The following PDZRN3 variants were observed in gnomAD, a reference collection of about 807,000 sequenced individuals.
PDZRN3 encodes PDZ domain containing ring finger 3, also known as E3 ubiquitin-protein ligase PDZRN3.
A neutral mutation model predicts 85.7 loss-of-function variants in PDZRN3; 38 were observed. The observed-to-expected ratio is 0.44, with a 90% CI of 0.34 to 0.58. The LOEUF (loss-of-function observed/expected upper bound fraction) is 0.58. PDZRN3 is among the 20% of genes least tolerant of loss of function. The pLI is 0.01. For synonymous variants in PDZRN3, 759 were observed against 638.0 expected (o/e 1.19, Z -2.86); for missense variants, 1,629 against 1,506.4 (o/e 1.08, Z -1.35).
intron 5 of PDZRN3, among the ~76,000 whole-genome samples, chr3:73,399,083 G>C (rs1009205208): frequency 2.0e-5 from 3 of 152,026 alleles, no homozygotes; most frequent in Non-Finnish European, 4.4e-5. Context: ...TCCAGAGCGG[G>C]GGGCTGTAGG....
At position 73,384,492 on chromosome 3, in the gene PDZRN3, G is replaced by C. The variant is rs776813570; in HGVS notation, c.2074C>G (p.Leu692Val). The C allele has an allele frequency of 8.7e-6, 14 of 1,613,464 alleles. No homozygotes were observed. The highest frequency in any genetic ancestry group is 8.3e-5 in the Admixed American group (5 of 60,010). ...AGGCACTCCAGCTCGATGCTGCGCA[G>C]CTCTTCGTTCAGCAGCTCCAGCTCC... ...DKELELLNEE[L>V]RSIELECLSI... Residue 692 changes from leucine (L) to valine (V), a missense_variant, in exon 10 of 10, where the codon CTG (leucine) becomes GTG (valine). By Grantham distance (32) the Leu-to-Val change is conservative (BLOSUM62 1). Transcript: ENST00000263666.
intron 1 of PDZRN3, among the ~76,000 whole-genome samples, chr3:73,620,100 CCAA>C (rs1702831094): frequency 6.6e-6 from 1 of 152,186 alleles, no homozygotes; most frequent in African/African-American, 2.4e-5. Flanking sequence ...ACCACCACCA[CCAA>C]CAACACACCC....
intron 3 of PDZRN3, among the ~76,000 whole-genome samples, chr3:73,443,312 C>T (rs1267502087): frequency 6.6e-6 from 1 of 152,106 alleles, no homozygotes; most frequent in Admixed American, 6.6e-5. Context: ...TCCCAGTTGC[C>T]AAACTCCAAC....
chr3:73,422,716 C>G (rs1702228674), intron 3 of PDZRN3, among the ~76,000 whole-genome samples: 1 of 152,114 alleles, frequency 6.6e-6, no homozygotes, highest in South Asian at 2.1e-4. Context: ...TCCCTTTCCT[C>G]TTTGGGGAAC....
At position 73,477,836 on chromosome 3, in the gene PDZRN3, C is replaced by T. The variant is rs565382448; in HGVS notation, c.919-73441G>A. ...GGCTGGGGAAGCCTCACGATCATGGCGGAAAGTGAATAAAGAGCAAAGGCA... is the reference window on the plus strand; with the variant it reads ...GGCTGGGGAAGCCTCACGATCATGGTGGAAAGTGAATAAAGAGCAAAGGCA... On this transcript the variant is annotated intron_variant, in intron 3 of 9. Coordinates refer to ENST00000263666, the MANE Select transcript of PDZRN3 (RefSeq NM_015009.3). 7.9e-4 allele frequency among the ~76,000 whole-genome samples: 120 copies of T among 152,132 alleles called. 1 individual carries two copies. The Middle Eastern group carries it at 0.01, about 13-fold the overall frequency.
At chr3:73,434,424 C>T (rs1702492081) in intron 3 of PDZRN3, among the ~76,000 whole-genome samples, 1 of 152,112 alleles carries the variant, frequency 6.6e-6, no homozygotes, top group Non-Finnish European at 1.5e-5. Flanking sequence ...AGGGAAAATA[C>T]TCCACATATG....
chr3:73,609,803 G>A (rs1325955925), intron 1 of PDZRN3, among the ~76,000 whole-genome samples: 1 of 152,154 alleles, frequency 6.6e-6, no homozygotes, highest in Non-Finnish European at 1.5e-5. Context: ...ACATTGGAAA[G>A]GCATGAATGC....
intron 3 of PDZRN3, among the ~76,000 whole-genome samples, chr3:73,427,236 C>T (rs1702334242): frequency 6.6e-6 from 1 of 152,186 alleles, no homozygotes; most frequent in African/African-American, 2.4e-5. Context: ...TTCCGCAGCA[C>T]AGCTCGACTA....
intron 3 of PDZRN3, among the ~76,000 whole-genome samples, chr3:73,602,073 G>C (rs1349978133): frequency 6.6e-6 from 1 of 152,108 alleles, no homozygotes; most frequent in Non-Finnish European, 1.5e-5. Flanking sequence ...AACGGTTTTC[G>C]CGCGAAACTG....
intron 3 of PDZRN3, among the ~76,000 whole-genome samples, chr3:73,585,631 G>A (rs1034644129): frequency 2.0e-5 from 3 of 152,138 alleles, no homozygotes; most frequent in Admixed American, 1.3e-4. Context: ...GTTTAATTAA[G>A]CAGCTGTGGC....
chr3:73,411,596 G>C (rs1490919501), intron 3 of PDZRN3, among the ~76,000 whole-genome samples: 1 of 149,866 alleles, frequency 6.7e-6, no homozygotes, highest in African/African-American at 2.5e-5. Flanking sequence ...CACTAGGTCG[G>C]GAGTCCACCA....
chr3:73,594,285 A>G (rs571741140), intron 3 of PDZRN3, among the ~76,000 whole-genome samples: 21 of 152,292 alleles, frequency 1.4e-4, no homozygotes, highest in Admixed American at 8.5e-4. Flanking sequence ...TCCATGAAAT[A>G]GGTTAAGATT....
intron 3 of PDZRN3, among the ~76,000 whole-genome samples, chr3:73,592,473 G>A (rs1702372426): frequency 6.6e-6 from 1 of 152,064 alleles, no homozygotes; most frequent in South Asian, 2.1e-4. Flanking sequence ...CAGGAAAGAA[G>A]GAAGCAATGA....
At chr3:73,562,207 T>C (rs910872827) in intron 3 of PDZRN3, among the ~76,000 whole-genome samples, 4 of 152,144 alleles carry the variant, frequency 2.6e-5, no homozygotes. Context: ...GGGAGCTAAA[T>C]AACCCTTAAC....
intron 3 of PDZRN3, among the ~76,000 whole-genome samples, chr3:73,411,599 G>T (rs1171574420): frequency 0.011 from 1,621 of 152,184 alleles, 18 homozygotes; most frequent in African/African-American, 0.037. Flanking sequence ...TAGGTCGGGA[G>T]TCCACCATAG....
chr3:73,581,128 A>G (rs1341543752), intron 3 of PDZRN3, among the ~76,000 whole-genome samples: 1 of 152,268 alleles, frequency 6.6e-6, no homozygotes, highest in Non-Finnish European at 1.5e-5. Context: ...ATGCAAAAGC[A>G]TAAGCAACAT....
At chr3:73,477,645 T>C (rs1448290055) in intron 3 of PDZRN3, among the ~76,000 whole-genome samples, 1 of 152,228 alleles carries the variant, frequency 6.6e-6, no homozygotes, top group African/African-American at 2.4e-5. Flanking sequence ...TAAGGATTTA[T>C]TGAATGTCAA....
At position 73,533,659 on chromosome 3, in the gene PDZRN3, T is replaced by A. The variant is rs1704712096; in HGVS notation, c.918+68695A>T. ...TGTCCACAGTAACCACCACTATCTT[T>A]GTGAAGTCATCAGTTGCCCCTGCAT... On this transcript the variant is annotated intron_variant, in intron 3 of 9. Coordinates refer to ENST00000263666, the MANE Select transcript of PDZRN3 (RefSeq NM_015009.3). Among the ~76,000 whole-genome samples, 3 of 152,168 alleles carry A rather than the reference T, an allele frequency of 2.0e-5. No individual in the cohort carries two copies. In the South Asian group the frequency reaches 6.2e-4, roughly 31 times the overall value.
At chr3:73,486,856 T>A (rs956668145) in intron 3 of PDZRN3, among the ~76,000 whole-genome samples, 1 of 152,224 alleles carries the variant, frequency 6.6e-6, no homozygotes, top group Admixed American at 6.5e-5. Flanking sequence ...TCAGGAAAAC[T>A]GATTATTTGG....
Sources: allele counts gnomAD v4.1 joint callset (sites outside exome capture counted in the v4.1 genomes callset), GRCh38; gene constraint gnomAD v4.1.1; transcripts MANE v1.5; gene names NCBI Gene and HGNC (gene_info 2026-07-23, HGNC 2026-07-21).